LRRTM3: variants seen among roughly 807,000 people sequenced by gnomAD.
LRRTM3 encodes leucine-rich repeat transmembrane neuronal protein 3.
Under a neutral mutation model 44.7 loss-of-function variants are expected in LRRTM3, and 24 were observed. The ratio of observed to expected loss-of-function variants is 0.54; its 90% CI spans 0.39 to 0.76. The LOEUF (loss-of-function observed/expected upper bound fraction) is 0.76. Ranked by LOEUF, LRRTM3 falls within the 30% of genes least tolerant of loss-of-function variation. LRRTM3 has a pLI of 0.00. For missense variants in LRRTM3, 587 were observed against 702.2 expected, an observed-to-expected ratio of 0.84 and a Z score of 1.85; for synonymous variants, 277 against 278.7, an observed-to-expected ratio of 0.99 and a Z score of 0.06.
chr10:67,017,147 T>C (rs7900575), intron 2 of LRRTM3, among the ~76,000 whole-genome samples: 75,604 of 152,042 alleles, frequency 0.5, 19,929 homozygotes, highest in Middle Eastern at 0.72. Context: ...AATATATTCA[T>C]AGTATGAAAA....
intron 2 of LRRTM3, among the ~76,000 whole-genome samples, chr10:67,058,382 T>C (rs1855565026): frequency 6.6e-6 from 1 of 152,236 alleles, no homozygotes. Context: ...TTTATAATTC[T>C]TATTCTTTTT....
chr10:66,971,325 C>G (rs893245920), intron 2 of LRRTM3, among the ~76,000 whole-genome samples: 5 of 152,060 alleles, frequency 3.3e-5, no homozygotes, highest in Non-Finnish European at 5.9e-5. Context: ...ACTCAGGAGG[C>G]TGAGGCAGAA....
At chr10:66,939,559 T>G (rs1163969215) in intron 2 of LRRTM3, among the ~76,000 whole-genome samples, 1 of 152,210 alleles carries the variant, frequency 6.6e-6, no homozygotes, top group Non-Finnish European at 1.5e-5. Flanking sequence ...TAAATTATAG[T>G]TTAATTTTAG....
chr10:67,073,416 C>T (rs1856571406), intron 2 of LRRTM3, among the ~76,000 whole-genome samples: 1 of 152,044 alleles, frequency 6.6e-6, no homozygotes, highest in African/African-American at 2.4e-5. Flanking sequence ...GTTTTTCCTT[C>T]AGTCTAAATA....
chr10:67,074,342 CTTTTTTT>C (rs36186252), intron 2 of LRRTM3, among the ~76,000 whole-genome samples: 4 of 68,726 alleles, frequency 5.8e-5, no homozygotes, highest in Non-Finnish European at 1.0e-4. Flanking sequence ...CACTTTAACT[CTTTTTTT>C]TTTTTTTTTT....
intron 2 of LRRTM3, among the ~76,000 whole-genome samples, chr10:67,035,237 T>A (rs553339159): frequency 1.3e-5 from 2 of 152,322 alleles, no homozygotes; most frequent in South Asian, 4.1e-4. Flanking sequence ...ATATATATAG[T>A]CAAATTAAGT....
At chr10:66,932,306 C>T (rs1035202208) in intron 2 of LRRTM3, among the ~76,000 whole-genome samples, 3 of 152,146 alleles carry the variant, frequency 2.0e-5, no homozygotes, top group Non-Finnish European at 2.9e-5. Flanking sequence ...CTTCCCTTGA[C>T]ATTTACCAAA....
chr10:67,060,730 G>A (rs1432762767), intron 2 of LRRTM3, among the ~76,000 whole-genome samples: 1 of 152,144 alleles, frequency 6.6e-6, no homozygotes, highest in Non-Finnish European at 1.5e-5. Flanking sequence ...TCCAGATGAT[G>A]TAGCTAGAAA....
chr10:67,011,768 G>A (rs1852355263), intron 2 of LRRTM3, among the ~76,000 whole-genome samples: 2 of 152,072 alleles, frequency 1.3e-5, no homozygotes, highest in Non-Finnish European at 2.9e-5. Flanking sequence ...TAGGAGGTAG[G>A]TATTATCATC....
chr10:67,042,152 G>A (rs1854433477), intron 2 of LRRTM3, among the ~76,000 whole-genome samples: 1 of 152,126 alleles, frequency 6.6e-6, no homozygotes, highest in African/African-American at 2.4e-5. Flanking sequence ...ATTCTAAAAT[G>A]TGTTTTATGT....
chr10:67,025,465 T>C (rs984912884), intron 2 of LRRTM3, among the ~76,000 whole-genome samples: 2 of 152,130 alleles, frequency 1.3e-5, no homozygotes, highest in Non-Finnish European at 2.9e-5. Context: ...AATAAGATCA[T>C]AGATTACCAA....
intron 2 of LRRTM3, among the ~76,000 whole-genome samples, chr10:66,947,151 C>A (rs7916590): frequency 4.6e-5 from 7 of 152,020 alleles, no homozygotes; most frequent in East Asian, 3.9e-4. Flanking sequence ...AAAAAACTTG[C>A]ATAAACTACT....
intron 2 of LRRTM3, among the ~76,000 whole-genome samples, chr10:66,928,867 T>C (rs1847220325): frequency 6.6e-6 from 1 of 152,192 alleles, no homozygotes; most frequent in Non-Finnish European, 1.5e-5. Flanking sequence ...AGGAAAGAGG[T>C]GAATGATTCC....
chr10:66,931,192 TAAAAAAAAA>T (rs3056552), intron 2 of LRRTM3, among the ~76,000 whole-genome samples: 2 of 118,714 alleles, frequency 1.7e-5, no homozygotes, highest in African/African-American at 6.4e-5. Context: ...TGACAACAGT[TAAAAAAAAA>T]AAAAAAAAAA....
rs973110470 is a variant in LRRTM3, at chr10:67,099,779, A to C, written c.*1983A>C. 2 of 152,040 alleles carry C rather than the reference A, an allele frequency of 1.3e-5. No homozygotes were observed. The highest frequency in any genetic ancestry group is 3.0e-5 in the Non-Finnish European group (2 of 67,766). 9.4% of individuals were successfully genotyped at this position (152,040 alleles called of 1,614,324 possible). A position where few individuals can be genotyped will look rare whatever the true frequency, so the allele number is the denominator to read the frequency against. ...TTGCATAAATTATTTGCTCTTCAAAAATTTTTGTCATTTTAAATCTAATTT... is the reference window on the plus strand; with the variant it reads ...TTGCATAAATTATTTGCTCTTCAAACATTTTTGTCATTTTAAATCTAATTT... On this transcript the variant is annotated 3_prime_UTR_variant, in exon 3 of 3. Transcript: ENST00000361320.
intron 2 of LRRTM3, among the ~76,000 whole-genome samples, chr10:66,979,602 C>T (rs933061255): frequency 3.1e-4 from 47 of 152,122 alleles, no homozygotes; most frequent in African/African-American, 1.1e-3. Context: ...CCATTCTATC[C>T]CTCAATTGCC....
chr10:67,017,772 T>C (rs563023939), intron 2 of LRRTM3, among the ~76,000 whole-genome samples: 2 of 152,118 alleles, frequency 1.3e-5, no homozygotes, highest in Admixed American at 1.3e-4. Flanking sequence ...CAATTTTATG[T>C]GTACAATTTT....
chr10:66,996,172 TA>T (rs901309362), intron 2 of LRRTM3, among the ~76,000 whole-genome samples: 3 of 152,206 alleles, frequency 2.0e-5, no homozygotes, highest in African/African-American at 7.2e-5. Flanking sequence ...GCTCTGTTGA[TA>T]AATGAAGTTT....
At chr10:66,965,289 C>T (rs1258114168) in intron 2 of LRRTM3, among the ~76,000 whole-genome samples, 1 of 151,994 alleles carries the variant, frequency 6.6e-6, no homozygotes, top group Non-Finnish European at 1.5e-5. Flanking sequence ...GTAATCTCAA[C>T]ACTTTGGGAG....
Sources: allele counts gnomAD v4.1 joint callset (sites outside exome capture counted in the v4.1 genomes callset), GRCh38; gene constraint gnomAD v4.1.1; transcripts MANE v1.5; gene names NCBI Gene and HGNC (gene_info 2026-07-23, HGNC 2026-07-21).